Variants in FCER1G observed in about 807,000 individuals in gnomAD.
The protein encoded by FCER1G is high affinity immunoglobulin epsilon receptor subunit gamma.
In FCER1G, 7 loss-of-function variants were observed where a neutral mutation model predicts 17.3. That is an observed-to-expected ratio of 0.40 (90% confidence interval 0.23 to 0.76). The LOEUF (loss-of-function observed/expected upper bound fraction) is 0.76. Ranked by LOEUF, FCER1G falls within the 30% of genes least tolerant of loss-of-function variation. The pLI is 0.35. For synonymous variants in FCER1G, 35 were observed against 38.7 expected, an observed-to-expected ratio of 0.90 and a Z score of 0.35; for missense variants, 87 against 97.7, an observed-to-expected ratio of 0.89 and a Z score of 0.46.
chr1:161,217,856 C>T, intron 1 of FCER1G, 130 bp from the exon 2 acceptor site: 1 of 699,240 alleles, frequency 1.4e-6, no homozygotes, highest in Non-Finnish European at 2.6e-6. Context: ...CAGAGAGAAA[C>T]AGAATTTCTT....
At chr1:161,218,646 T>C in intron 3 of FCER1G, 57 bp from the exon 4 acceptor site, 1 of 1,603,920 alleles carries the variant, frequency 6.2e-7, no homozygotes, top group African/African-American at 1.3e-5. Flanking sequence ...GGGCAGATGC[T>C]GAGGGGCCCT....
chr1:161,218,177 G>A (rs540332974), intron 2 of FCER1G, 64 bp from the exon 3 acceptor site: 2 of 1,546,804 alleles, frequency 1.3e-6, no homozygotes, highest in Non-Finnish European at 1.8e-6. Context: ...CCTCCACAAA[G>A]TTTGGAGGGA....
intron 1 of FCER1G, among the ~76,000 whole-genome samples, chr1:161,215,752 C>T (rs1666024295): frequency 6.6e-6 from 1 of 152,030 alleles, no homozygotes; most frequent in Admixed American, 6.5e-5. Flanking sequence ...GCCACCACGC[C>T]CGGCTAAGTT....
At chr1:161,216,603 C>T (rs932955735) in intron 1 of FCER1G, among the ~76,000 whole-genome samples, 1 of 152,022 alleles carries the variant, frequency 6.6e-6, no homozygotes, top group Non-Finnish European at 1.5e-5. Context: ...CATGAGATCC[C>T]CAGTTCCAGA....
At chr1:161,215,808 G>C (rs1014442353) in intron 1 of FCER1G, among the ~76,000 whole-genome samples, 1 of 152,044 alleles carries the variant, frequency 6.6e-6, no homozygotes. Flanking sequence ...GACCAGGGTA[G>C]TCTTGAACTC....
chr1:161,216,141 G>A (rs1389407499), intron 1 of FCER1G, among the ~76,000 whole-genome samples: 1 of 151,814 alleles, frequency 6.6e-6, no homozygotes, highest in Non-Finnish European at 1.5e-5. Context: ...CTTGTCTGCT[G>A]GGAGCTGATC....
At chr1:161,216,170 C>T (rs561589100) in intron 1 of FCER1G, among the ~76,000 whole-genome samples, 17 of 151,840 alleles carry the variant, frequency 1.1e-4, no homozygotes, top group East Asian at 5.8e-4. Context: ...GTTTAATATA[C>T]AAAGCACCCT....
chr1:161,216,794 A>G (rs1345575336), intron 1 of FCER1G, among the ~76,000 whole-genome samples: 1 of 152,092 alleles, frequency 6.6e-6, no homozygotes, highest in East Asian at 1.9e-4. Context: ...ACTTCAGGGA[A>G]ACTGTGGAAA....
At chr1:161,216,699 C>G (rs1666063091) in intron 1 of FCER1G, among the ~76,000 whole-genome samples, 1 of 152,164 alleles carries the variant, frequency 6.6e-6, no homozygotes, top group African/African-American at 2.4e-5. Context: ...AGAATTCTCA[C>G]TCCTCGTTCA....
At chr1:161,217,354 G>C (rs1035378783) in intron 1 of FCER1G, among the ~76,000 whole-genome samples, 4 of 148,672 alleles carry the variant, frequency 2.7e-5, no homozygotes, top group Admixed American at 6.7e-5. Flanking sequence ...AGGGCCAAAG[G>C]TATCTGTAAG....
rs946000530 is a variant in FCER1G at position 161,215,938 on chromosome 1, C to T, written c.49+568C>T. Among the ~76,000 whole-genome samples the T allele has an allele frequency of 2.2e-4, 33 of 151,972 alleles. No individual in the cohort carries two copies. The Middle Eastern group carries it at 0.01, about 47-fold the overall frequency. On this transcript the variant is annotated intron_variant, in intron 1 of 4. Transcript: ENST00000289902. ...CAGGGTCTTACTATGTTGGCCACAT[C>T]GGTCTTGAACTCCTGGCCTCAAGCA...
At chr1:161,216,757 G>A (rs1320404276) in intron 1 of FCER1G, among the ~76,000 whole-genome samples, 2 of 152,156 alleles carry the variant, frequency 1.3e-5, no homozygotes, top group Non-Finnish European at 2.9e-5. Flanking sequence ...GGTGGCAGCT[G>A]GGTGTTGGGG....
Position 161,215,319 on chromosome 1 carries a change from A to G in FCER1G, c.-3A>G. On this transcript the variant is annotated 5_prime_UTR_variant, in exon 1 of 5. Transcript: ENST00000289902. ...TGTCAGAACGGCCGATCTCCAGCCC[A>G]AGATGATTCCAGCAGTGGTCTTGCT... 1 of 1,613,796 alleles carries G rather than the reference A, an allele frequency of 6.2e-7. No homozygotes were observed. Among genetic ancestry groups the G allele is most frequent in the Non-Finnish European group, 8.5e-7 (1 of 1,179,772 alleles).
chr1:161,218,806 A>AG (rs544235134), intron 4 of FCER1G, 75 bp from the exon 5 acceptor site: 23 of 1,208,894 alleles, frequency 1.9e-5, no homozygotes, highest in Middle Eastern at 2.2e-4. Context: ...CGGTGGGGGG[A>AG]GGGGGGTCCT....
At position 161,218,712 on chromosome 1, in the gene FCER1G, G is replaced by T. The variant is rs1326682490; in HGVS notation, c.187G>T (p.Gly63Cys). 1 of 1,613,920 alleles carries T rather than the reference G, an allele frequency of 6.2e-7. No individual in the cohort carries two copies. The highest frequency in any genetic ancestry group is 8.5e-7 in the Non-Finnish European group (1 of 1,179,978). The change falls in exon 4 of 5, where the codon GGT (glycine) becomes TGT (cysteine). Residue 63 changes from glycine to cysteine, a missense_variant. Coordinates refer to ENST00000289902, the MANE Select transcript of FCER1G (RefSeq NM_004106.2). The part of the protein sequence containing the change: ...AAITSYEKSD[G>C]VYTGLSTRNQ... ...TCTTTTGTCTCTGCAGAAATCAGAT[G>T]GTGTTTACACGGTAAGTGTGCCTAC...
chr1:161,219,100 C>T lies in FCER1G; in HGVS notation c.*157C>T, dbSNP rs1483278961. ...AATATACACCAGTGGTTCCTCCTCC[C>T]TGTTAAAGACTAATGCTCAGATGCT... On this transcript the variant is annotated 3_prime_UTR_variant, in exon 5 of 5. Coordinates refer to ENST00000289902, the MANE Select transcript of FCER1G (RefSeq NM_004106.2). 3.2e-5 allele frequency: 20 copies of T among 627,646 alleles called. No homozygotes were observed. The highest frequency in any genetic ancestry group is 5.5e-5 in the Non-Finnish European group (19 of 345,896). 38.9% of individuals were successfully genotyped at this position (627,646 alleles called of 1,614,324 possible).
chr1:161,216,834 A>G (rs1206047924), intron 1 of FCER1G, among the ~76,000 whole-genome samples: 18 of 152,206 alleles, frequency 1.2e-4, no homozygotes, highest in Non-Finnish European at 1.5e-5. Context: ...GAGGAATTCC[A>G]GCAGCCTAGC....
chr1:161,217,958 A>G, intron 1 of FCER1G, 28 bp from the exon 2 acceptor site: 1 of 1,501,488 alleles, frequency 6.7e-7, no homozygotes, highest in Non-Finnish European at 9.3e-7. Context: ...GATACCCCCG[A>G]CCCCATGGGC....
At chr1:161,217,893 T>C (rs1008146045) in intron 1 of FCER1G, 93 bp from the exon 2 acceptor site, 1 of 859,244 alleles carries the variant, frequency 1.2e-6, no homozygotes, top group African/African-American at 1.7e-5. Flanking sequence ...CTCCAGGCCC[T>C]GTCCTACCTC....
Sources: gnomAD v4.1 joint callset for allele counts (sites outside exome capture counted in the v4.1 genomes callset) on GRCh38, gnomAD v4.1.1 for gene constraint, MANE v1.5 for transcripts, NCBI Gene and HGNC (gene_info 2026-07-23, HGNC 2026-07-21) for gene names.